SLC44A5: variants seen among roughly 807,000 people sequenced by gnomAD.
SLC44A5 encodes solute carrier family 44 member 5.
SLC44A5 carries 57 observed loss-of-function variants against 101.8 expected under a neutral mutation model. That is an observed-to-expected ratio of 0.56 (90% CI 0.45 to 0.70). The LOEUF is 0.70. SLC44A5 is among the 30% of genes least tolerant of loss of function. The pLI, the probability that SLC44A5 is intolerant of heterozygous loss-of-function variation, is 0.00. For missense variants in SLC44A5, 737 were observed against 853.1 expected, an observed-to-expected ratio of 0.86 and a Z score of 1.70; for synonymous variants, 281 against 290.9, an observed-to-expected ratio of 0.97 and a Z score of 0.35.
intron 7 of SLC44A5, among the ~76,000 whole-genome samples, chr1:75,250,910 A>G (rs995510952): frequency 3.3e-5 from 5 of 152,174 alleles, no homozygotes; most frequent in Admixed American, 1.3e-4. Context: ...TCCTAATACA[A>G]TGTTGATCTT....
At chr1:75,392,933 T>A (rs1421703722) in intron 3 of SLC44A5, among the ~76,000 whole-genome samples, 2 of 152,116 alleles carry the variant, frequency 1.3e-5, no homozygotes, top group Non-Finnish European at 2.9e-5. Flanking sequence ...TTTTCCCGTA[T>A]AAGTGGGAGC....
At position 75,608,331 on chromosome 1, in the gene SLC44A5, A is replaced by ATGTG. The variant is rs113982384; in HGVS notation, c.-70+2705_-70+2708dup. On this transcript the variant is annotated intron_variant, in intron 1 of 23. Coordinates refer to ENST00000370859, the MANE Select transcript of SLC44A5 (RefSeq NM_001130058.2). ...AATGGATAAACAAAATGTGAGGGGT[A>ATGTG]TGTGTGTGTGTGTGTGTGTGTTGTG... 9.8e-3 allele frequency among the ~76,000 whole-genome samples: 1,459 copies of ATGTG among 148,674 alleles called. 30 individuals carry two copies. Among genetic ancestry groups the ATGTG allele is most frequent in the African/African-American group, 0.034 (1,378 of 40,760 alleles).
intron 2 of SLC44A5, among the ~76,000 whole-genome samples, chr1:75,422,755 A>C (rs951673586): frequency 1.3e-5 from 2 of 152,108 alleles, no homozygotes; most frequent in African/African-American, 2.4e-5. Context: ...TGTCAAGAAA[A>C]CTGGCCCAGA....
chr1:75,304,304 G>A (rs1024486009), intron 4 of SLC44A5, among the ~76,000 whole-genome samples: 1 of 151,896 alleles, frequency 6.6e-6, no homozygotes, highest in Non-Finnish European at 1.5e-5. Context: ...GTGTGTGTGT[G>A]TGTGTGTGTG....
intron 1 of SLC44A5, 93 bp from the exon 2 acceptor site, chr1:75,541,609 T>A (rs1216618766): frequency 5.8e-6 from 4 of 687,618 alleles, no homozygotes; most frequent in African/African-American, 1.8e-5. Context: ...CATAACTTAC[T>A]ATAATTTACT....
intron 2 of SLC44A5, among the ~76,000 whole-genome samples, chr1:75,507,354 T>C (rs1362390769): frequency 6.6e-6 from 1 of 152,192 alleles, no homozygotes; most frequent in Non-Finnish European, 1.5e-5. Flanking sequence ...TCACATTCAT[T>C]GATTTGCATA....
chr1:75,402,762 T>C (rs561564249), intron 2 of SLC44A5, among the ~76,000 whole-genome samples: 140 of 151,988 alleles, frequency 9.2e-4, no homozygotes, highest in Non-Finnish European at 1.8e-3. Context: ...AGCAGAAAAC[T>C]AGGCGCTGTT....
At chr1:75,235,682 C>A (rs1428229393) in intron 11 of SLC44A5, among the ~76,000 whole-genome samples, 1 of 152,006 alleles carries the variant, frequency 6.6e-6, no homozygotes, top group Non-Finnish European at 1.5e-5. Context: ...GTATCTCACA[C>A]AAAATACAAC....
At chr1:75,431,993 A>G (rs1391457541) in intron 2 of SLC44A5, among the ~76,000 whole-genome samples, 1 of 152,118 alleles carries the variant, frequency 6.6e-6, no homozygotes, top group African/African-American at 2.4e-5. Context: ...ATGTGTAGAC[A>G]GTCTCCACTT....
At chr1:75,668,310 G>T in the SLC44A5 span, among the ~76,000 whole-genome samples, 8 of 134,876 alleles carry the variant, frequency 5.9e-5, no homozygotes, top group Non-Finnish European at 9.2e-5. Context: ...CTGGATCCTA[G>T]GAGCCTTTTT....
At chr1:75,697,839 G>A in the SLC44A5 span, among the ~76,000 whole-genome samples, 2 of 152,236 alleles carry the variant, frequency 1.3e-5, no homozygotes, top group East Asian at 3.9e-4. Flanking sequence ...GCCTCACTCA[G>A]GAAGCGCAAG....
At chr1:75,394,191 T>C (rs1661977349) in intron 3 of SLC44A5, among the ~76,000 whole-genome samples, 1 of 151,890 alleles carries the variant, frequency 6.6e-6, no homozygotes, top group African/African-American at 2.4e-5. Context: ...AGAGGAAAGT[T>C]TAAAAAAGTA....
At chr1:75,420,561 T>C (rs893902757) in intron 2 of SLC44A5, among the ~76,000 whole-genome samples, 2 of 152,138 alleles carry the variant, frequency 1.3e-5, no homozygotes, top group African/African-American at 4.8e-5. Flanking sequence ...GAAACAACTA[T>C]CTGCTGTTCA....
chr1:75,220,028 A>G lies in SLC44A5; in HGVS notation c.1086-136T>C, dbSNP rs547527223. The G allele has an allele frequency of 1.7e-5, 9 of 514,656 alleles. No homozygotes were observed. The East Asian group carries it at 2.7e-4, about 16-fold the overall frequency. 31.9% of individuals were successfully genotyped at this position (514,656 alleles called of 1,614,324 possible). On this transcript the variant is annotated intron_variant, in intron 14 of 23. Transcript: ENST00000370859. The stretch of plus-strand genomic sequence containing the variant: ...TTCTGGCATATTCTCAGTTGGTTTT[A>G]CATTTTTATTTATTTATTTACTTTT...
intron 1 of SLC44A5, among the ~76,000 whole-genome samples, chr1:75,572,776 G>A (rs970679116): frequency 3.3e-5 from 5 of 152,084 alleles, no homozygotes; most frequent in African/African-American, 1.2e-4. Context: ...TGTGGAAAAA[G>A]AGGAATGGGG....
chr1:75,219,941 G>A (rs745593514), intron 14 of SLC44A5, 49 bp from the exon 15 acceptor site: 2 of 1,266,054 alleles, frequency 1.6e-6, no homozygotes, highest in Admixed American at 2.0e-5. Flanking sequence ...CTAGAAATAA[G>A]CTTTAGACTG....
intron 2 of SLC44A5, among the ~76,000 whole-genome samples, chr1:75,493,958 C>G (rs1202407653): frequency 1.3e-5 from 2 of 152,208 alleles, no homozygotes; most frequent in East Asian, 3.8e-4. Context: ...GGTAAGCAAT[C>G]TCTAGTCCTC....
At chr1:75,246,565 T>C (rs2100625360) in intron 7 of SLC44A5, among the ~76,000 whole-genome samples, 1 of 152,018 alleles carries the variant, frequency 6.6e-6, no homozygotes, top group South Asian at 2.1e-4. Flanking sequence ...AAATAATAAA[T>C]AAGTAAAATG....
chr1:75,470,403 T>C (rs1667041599), intron 2 of SLC44A5, among the ~76,000 whole-genome samples: 1 of 152,180 alleles, frequency 6.6e-6, no homozygotes, highest in Non-Finnish European at 1.5e-5. Context: ...ACGTTTGAAA[T>C]AATCCTTCCA....
Sources: gnomAD v4.1 joint callset for allele counts (sites outside exome capture counted in the v4.1 genomes callset) on GRCh38, gnomAD v4.1.1 for gene constraint, MANE v1.5 for transcripts, NCBI Gene and HGNC (gene_info 2026-07-23, HGNC 2026-07-21) for gene names.